Variants in MYO9B observed in about 807,000 individuals in gnomAD.
The protein encoded by MYO9B is myosin IXB.
MYO9B carries 71 observed loss-of-function variants against 229.5 expected under a neutral mutation model. The ratio of observed to expected loss-of-function variants is 0.31; its 90% CI spans 0.26 to 0.38. The LOEUF (loss-of-function observed/expected upper bound fraction) is 0.38, where lower values mean the gene tolerates loss of function less well. MYO9B is among the 10% of genes least tolerant of loss of function. The pLI is 1.00. For missense variants in MYO9B, 2,255 were observed against 2,920.5 expected, an observed-to-expected ratio of 0.77 and a Z score of 5.25; for synonymous variants, 1,185 against 1,235.8, an observed-to-expected ratio of 0.96 and a Z score of 0.86.
At chr19:17,098,834 C>T (rs1307301913) in intron 1 of MYO9B, among the ~76,000 whole-genome samples, 1 of 150,888 alleles carries the variant, frequency 6.6e-6, no homozygotes, top group East Asian at 1.9e-4. Flanking sequence ...ACTTGTGAGG[C>T]AGAGGTGAGA....
At chr19:17,191,369 C>G in intron 20 of MYO9B, 150 bp downstream of exon 20, 5 of 1,120,876 alleles carry the variant, frequency 4.5e-6, no homozygotes, top group Non-Finnish European at 6.1e-6. Context: ...AGCACTGCAC[C>G]TAAGGGATAG....
rs763796202 is a variant in MYO9B, at chr19:17,202,303, G to C, written c.4836G>C (p.Lys1612Asn). ...CCAAGAACGACTTCGAGCCAGTGAA[G>C]GTGGGCAGCCCAGCATGCCACGCCC... ...GYTKNDFEPV[K>N]QSKAQKKKRK... The change falls in exon 28 of 40, where the codon AAG becomes AAC. Residue 1612 changes from lysine to asparagine, a missense_variant and splice_region_variant. By Grantham distance (94) the Lys-to-Asn change is moderately conservative. Around this residue, in one of 7 missense-constraint regions of MYO9B, gnomAD observed 416 missense variants for 605.5 expected, o/e 0.69. Transcript: ENST00000682292. The C allele has an allele frequency of 6.4e-7, 1 of 1,558,858 alleles. No individual in the cohort carries two copies. Among genetic ancestry groups the C allele is most frequent in the Non-Finnish European group, 8.7e-7 (1 of 1,151,936 alleles).
rs1030275525 is a variant in MYO9B at position 17,121,463 on chromosome 19, A to ATATATATATATATATATATATATATATC, written c.840+18907_840+18908insATATATATATATATATATATATATATCT. 4.5e-4 allele frequency among the ~76,000 whole-genome samples: 67 copies of ATATATATATATATATATATATATATATC among 149,972 alleles called. 1 individual carries two copies. The highest frequency in any genetic ancestry group is 1.5e-3 in the African/African-American group (60 of 39,812). On this transcript the variant is annotated intron_variant, in intron 2 of 39. Transcript: ENST00000682292. ...ATTCCAAATATATATATATATATAT[A>ATATATATATATATATATATATATATATC]TCCAAGAGCTGCCGCCACAGGATGA...
intron 2 of MYO9B, among the ~76,000 whole-genome samples, chr19:17,123,231 C>G (rs968007100): frequency 6.6e-6 from 1 of 152,148 alleles, no homozygotes; most frequent in African/African-American, 2.4e-5. Context: ...AAGGGGAAAG[C>G]AAGCACAGGT....
At chr19:17,097,148 A>G (rs1305007388) in intron 1 of MYO9B, among the ~76,000 whole-genome samples, 1 of 151,538 alleles carries the variant, frequency 6.6e-6, no homozygotes, top group African/African-American at 2.4e-5. Context: ...ACAGAGAAAC[A>G]CTGTCTCTAC....
chr19:17,193,999 C>T lies in MYO9B; in HGVS notation c.3129-557C>T, dbSNP rs1367800725. 1.2e-4 allele frequency among the ~76,000 whole-genome samples: 18 copies of T among 152,002 alleles called. No homozygotes were observed. The highest frequency in any genetic ancestry group is 1.2e-3 in the Admixed American group (18 of 15,220). ...ACCAGCCTAGCCAACATGGCAAAACCCCATCTTACGAAAAATACAAAAATT... is the reference window on the plus strand; with the variant it reads ...ACCAGCCTAGCCAACATGGCAAAACTCCATCTTACGAAAAATACAAAAATT... On this transcript the variant is annotated intron_variant, in intron 21 of 39. Transcript: ENST00000682292. This position sits in a 1 kb window ranked among gnomAD's most constrained non-coding sequence, Gnocchi z 4.3.
chr19:17,181,101 A>C, intron 15 of MYO9B, 61 bp downstream of exon 15: 2 of 1,229,466 alleles, frequency 1.6e-6, no homozygotes, highest in Admixed American at 2.1e-5. Context: ...TACTCCTGCG[A>C]CCCCGGCGGG....
intron 18 of MYO9B, among the ~76,000 whole-genome samples, chr19:17,186,202 A>G (rs2072917778): frequency 6.6e-6 from 1 of 152,170 alleles, no homozygotes; most frequent in African/African-American, 2.4e-5. Context: ...TGGAACATGG[A>G]GAGGCCCAGA....
chr19:17,196,057 G>A (rs1320592980), intron 22 of MYO9B, among the ~76,000 whole-genome samples: 2 of 150,566 alleles, frequency 1.3e-5, no homozygotes, highest in Non-Finnish European at 1.5e-5. Context: ...CAGCATCCCT[G>A]GCCTCCACTT....
intron 3 of MYO9B, among the ~76,000 whole-genome samples, chr19:17,150,513 T>C (rs1381947211): frequency 2.6e-5 from 4 of 152,126 alleles, no homozygotes; most frequent in African/African-American, 7.2e-5. Flanking sequence ...GGGCACCAGC[T>C]GTGTCTCCTG....
chr19:17,193,163 G>A lies in MYO9B; in HGVS notation c.3128+101G>A, dbSNP rs550180935. On this transcript the variant is annotated intron_variant, in intron 21 of 39. Coordinates refer to ENST00000682292, the MANE Select transcript of MYO9B (RefSeq NM_004145.4). This position sits in a 1 kb window ranked among gnomAD's most constrained non-coding sequence, Gnocchi z 4.3. The stretch of plus-strand genomic sequence containing the variant: ...TATACCATCTGGCCTGTGGCACTAA[G>A]GGGATGTCATTCTGGACACAGGGAA... 486 of 1,270,582 alleles carry A rather than the reference G, an allele frequency of 3.8e-4. 2 individuals are homozygous for A. The highest frequency in any genetic ancestry group is 3.3e-3 in the South Asian group (188 of 57,800). The allele number at this position is 1,270,582 out of a possible 1,614,324, so 78.7% of individuals were successfully genotyped here.
intron 2 of MYO9B, among the ~76,000 whole-genome samples, chr19:17,122,395 T>G (rs1213866349): frequency 1.3e-5 from 2 of 151,958 alleles, no homozygotes; most frequent in Non-Finnish European, 2.9e-5. Flanking sequence ...AAAAATTAGC[T>G]GGGTGTGGTG....
Position 17,209,713 on chromosome 19 carries a change from A to G in MYO9B, c.5748+4A>G, listed in dbSNP as rs1234300712. 1 of 1,612,018 alleles carries G rather than the reference A, an allele frequency of 6.2e-7. No individual in the cohort carries two copies. The highest frequency in any genetic ancestry group is 1.7e-5 in the Admixed American group (1 of 59,942). On this transcript the variant is annotated splice_donor_region_variant and intron_variant, in intron 36 of 39. Transcript: ENST00000682292. ...TTCGCTCCTGCGACAAAATGCTGTG[A>G]GTACCGGTGATCGTGGGGGCGGGAC...
rs2073217455 is a variant in MYO9B at position 17,210,722 on chromosome 19, G to A, written c.5804G>A (p.Ser1935Asn). The A allele has an allele frequency of 5.2e-6, 8 of 1,546,580 alleles. No individual in the cohort carries two copies. The highest frequency in any genetic ancestry group is 1.2e-5 in the South Asian group (1 of 83,152). The change falls in exon 38 of 40, where the codon AGC becomes AAC. Residue 1935 changes from serine to asparagine, a missense_variant. Transcript: ENST00000682292. ...SSPYEGVLNK[S>N]PKTRDIQEEE... is the part of the protein sequence containing the mutation. ...CTTGCTTCTTTGTTTCAGAACAAGA[G>A]CCCCAAGACCCGGGACATCCAGGAG... is the stretch of plus-strand genomic sequence containing the variant.
chr19:17,210,395 G>T lies in MYO9B; in HGVS notation c.5796+15G>T. 6.3e-7 allele frequency: 1 copy of T among 1,584,016 alleles called. No individual in the cohort carries two copies. Among genetic ancestry groups the T allele is most frequent in the Admixed American group, 1.8e-5 (1 of 55,492 alleles). On this transcript the variant is annotated intron_variant, in intron 37 of 39. Coordinates refer to ENST00000682292, the MANE Select transcript of MYO9B (RefSeq NM_004145.4). Reference sequence around the variant, plus strand: ...AGGGGGTCCTGGTATGTACGCGTTCGGTGGGCCCGCGGTGCATGTCTCCCG... The same window carrying T: ...AGGGGGTCCTGGTATGTACGCGTTCTGTGGGCCCGCGGTGCATGTCTCCCG...
chr19:17,132,986 T>C (rs1490855352), intron 2 of MYO9B, among the ~76,000 whole-genome samples: 1 of 151,966 alleles, frequency 6.6e-6, no homozygotes, highest in African/African-American at 2.4e-5. Context: ...TAGCTGGAAC[T>C]ACAGGCGCCG....
intron 23 of MYO9B, 24 bp from the exon 24 acceptor site, chr19:17,198,160 G>GCC: frequency 6.2e-7 from 1 of 1,613,016 alleles, no homozygotes. Context: ...TTCCTTAGCA[G>GCC]CCCCCCACTG....
intron 11 of MYO9B, among the ~76,000 whole-genome samples, chr19:17,168,641 A>G (rs1040953798): frequency 6.6e-6 from 1 of 152,246 alleles, no homozygotes; most frequent in Non-Finnish European, 1.5e-5. Context: ...CCTAGAAACT[A>G]GACACTGGGG....
chr19:17,175,737 T>C lies in MYO9B; in HGVS notation c.2215T>C (p.Tyr739His). Residue 739 changes from tyrosine to histidine, a missense_variant, in exon 14 of 40, where the codon TAC becomes CAC. Coordinates refer to ENST00000682292, the MANE Select transcript of MYO9B (RefSeq NM_004145.4). ...AGCCAGCACCCCTTCGGAAAAACTT[T>C]ACCGGTGAGCAAGACCCTGATTTGC... ...RGASTPSEKL[Y>H]RDLHNQMIKS... 1.3e-6 allele frequency: 2 copies of C among 1,572,790 alleles called. No individual in the cohort carries two copies. The highest frequency in any genetic ancestry group is 1.7e-6 in the Non-Finnish European group (2 of 1,159,102).
Sources: allele counts gnomAD v4.1 joint callset (sites outside exome capture counted in the v4.1 genomes callset), GRCh38; gene constraint gnomAD v4.1.1; regional missense constraint gnomAD v4.1.1; non-coding constraint Gnocchi (gnomAD v3.1); transcripts MANE v1.5; gene names NCBI Gene and HGNC (gene_info 2026-07-23, HGNC 2026-07-21).